The following POF1B variants were observed in gnomAD, a reference collection of about 807,000 sequenced individuals.
POF1B encodes the protein protein POF1B.
Under a neutral mutation model 55.3 loss-of-function variants are expected in POF1B, and 53 were observed. That is an observed-to-expected ratio of 0.96 (90% confidence interval 0.77 to 1.20). The LOEUF (loss-of-function observed/expected upper bound fraction) is 1.20, where lower values mean the gene tolerates loss of function less well. Among genes scored for constraint, POF1B ranks in the 50% most tolerant of loss-of-function variants. The pLI, the probability that POF1B is intolerant of heterozygous loss-of-function variation, is 0.00. For missense variants in POF1B, 478 were observed against 420.5 expected, an observed-to-expected ratio of 1.14 and a Z score of -1.20; for synonymous variants, 188 against 148.3, an observed-to-expected ratio of 1.27 and a Z score of -1.95.
intron 16 of POF1B, among the ~76,000 whole-genome samples, chrX:85,281,875 C>CTTT (rs1931905444): frequency 9.1e-6 from 1 of 110,065 alleles, no homozygotes; most frequent in African/African-American, 3.3e-5. Flanking sequence ...AAAAGGGAAA[C>CTTT]TGTTTTGGAA....
intron 7 of POF1B, among the ~76,000 whole-genome samples, chrX:85,329,551 A>G (rs745998999): frequency 2.0e-4 from 22 of 110,568 alleles, no homozygotes; most frequent in Non-Finnish European, 4.0e-4. Flanking sequence ...CACCAAGGAC[A>G]TCAGGGTAAA....
chrX:85,329,010 C>A (rs1932934768), intron 7 of POF1B, among the ~76,000 whole-genome samples: 1 of 111,052 alleles, frequency 9.0e-6, no homozygotes, highest in Admixed American at 9.6e-5. Flanking sequence ...AAGTAGAGCA[C>A]CTAGGACAAA....
At chrX:85,373,940 A>G (rs866839970) in intron 2 of POF1B, among the ~76,000 whole-genome samples, 8 of 111,403 alleles carry the variant, frequency 7.2e-5, no homozygotes, top group Non-Finnish European at 1.1e-4. Context: ...ATTTACACTT[A>G]GCTAAAACAT....
At chrX:85,309,065 C>A (rs1251415518) in intron 9 of POF1B, among the ~76,000 whole-genome samples, 1 of 111,550 alleles carries the variant, frequency 9.0e-6, no homozygotes, top group East Asian at 2.8e-4. Context: ...CAGACAACTT[C>A]AGCTTCTGGG....
chrX:85,314,820 T>G (rs1953509565), intron 8 of POF1B, among the ~76,000 whole-genome samples: 1 of 112,208 alleles, frequency 8.9e-6, no homozygotes. Flanking sequence ...TTAAATTCCT[T>G]TACACACTTT....
chrX:85,351,483 T>C (rs947479921), intron 4 of POF1B, 32 bp from the exon 5 acceptor site: 3 of 1,087,131 alleles, frequency 2.8e-6, no homozygotes, highest in Non-Finnish European at 2.5e-6. Flanking sequence ...TGTTTTGTTT[T>C]GAAAGTTGTC....
intron 2 of POF1B, among the ~76,000 whole-genome samples, chrX:85,368,894 A>G (rs1440684393): frequency 1.8e-5 from 2 of 111,744 alleles, no homozygotes; most frequent in African/African-American, 3.2e-5. Context: ...ATCTTCCTAC[A>G]AAGGTATAAA....
At chrX:85,284,975 C>T (rs1184215263) in intron 15 of POF1B, among the ~76,000 whole-genome samples, 3 of 111,631 alleles carry the variant, frequency 2.7e-5, no homozygotes, top group African/African-American at 3.3e-5. Flanking sequence ...AATCAAACAT[C>T]CCCATCAAAA....
chrX:85,285,393 A>G (rs1932025420), intron 15 of POF1B, among the ~76,000 whole-genome samples: 1 of 111,201 alleles, frequency 9.0e-6, no homozygotes, highest in African/African-American at 3.3e-5. Flanking sequence ...AAAGACTTGG[A>G]ACCAACCCAA....
At position 85,330,981 on chromosome X, in the gene POF1B, G is replaced by A. The variant is rs746826405; in HGVS notation, c.822C>T (p.Cys274=). ...LSRKNTDLYH[C]LLEHLQRIGG... ...CAATTCTCTGCAAATGTTCTAATAA[G>A]CAGTGATATAGATCCGTATTCTTAC... The change falls in exon 7 of 17, where the codon TGC becomes TGT. Residue 274 remains cysteine (C), a synonymous_variant. Coordinates refer to ENST00000262753, the MANE Select transcript of POF1B (RefSeq NM_024921.4). The A allele has an allele frequency of 1.1e-5, 13 of 1,196,229 alleles. No homozygotes were observed. The highest frequency in any genetic ancestry group is 1.5e-5 in the Non-Finnish European group (13 of 888,410).
At chrX:85,327,765 A>C (rs1000602718) in intron 7 of POF1B, among the ~76,000 whole-genome samples, 1 of 112,533 alleles carries the variant, frequency 8.9e-6, no homozygotes, top group Non-Finnish European at 1.9e-5. Context: ...TGCATTTAAA[A>C]GATACTAATC....
Position 85,365,491 on chromosome X carries a change from G to T in POF1B, c.357+2201C>A, listed in dbSNP as rs142338213. 9.4e-3 allele frequency among the ~76,000 whole-genome samples: 1,048 copies of T among 111,865 alleles called. 16 individuals carry two copies. The highest frequency in any genetic ancestry group is 0.032 in the African/African-American group (998 of 30,755). ...GCAGGGTCTAAATAGCTGACTTCTT[G>T]TCTTTGGTTTCACAGGGGGCTATGT... On this transcript the variant is annotated intron_variant, in intron 3 of 16. Coordinates refer to ENST00000262753, the MANE Select transcript of POF1B (RefSeq NM_024921.4).
intron 3 of POF1B, among the ~76,000 whole-genome samples, chrX:85,360,116 G>T (rs1289904318): frequency 1.8e-5 from 2 of 109,026 alleles, no homozygotes; most frequent in Non-Finnish European, 3.8e-5. Flanking sequence ...TTTTTTTGGG[G>T]GGTTCATGTA....
intron 7 of POF1B, among the ~76,000 whole-genome samples, chrX:85,325,504 G>A (rs1008557909): frequency 8.9e-6 from 1 of 111,839 alleles, no homozygotes; most frequent in Admixed American, 9.5e-5. Context: ...TTCTTATAGC[G>A]TGTTTTTCAG....
At position 85,321,969 on chromosome X, in the gene POF1B, C is replaced by G. The variant is rs1334279406; in HGVS notation, c.855-6235G>C. ...GGATACAAACAAATGGAAGAACATT[C>G]CATGTTCATGGGTAGGAAGAATCAA... On this transcript the variant is annotated intron_variant, in intron 7 of 16. Coordinates refer to ENST00000262753, the MANE Select transcript of POF1B (RefSeq NM_024921.4). Among the ~76,000 whole-genome samples, 8 of 110,720 alleles carry G rather than the reference C, an allele frequency of 7.2e-5. No individual in the cohort carries two copies. The East Asian group carries it at 2.0e-3, about 28-fold the overall frequency.
At chrX:85,331,185 A>G in intron 6 of POF1B, 106 bp from the exon 7 acceptor site, 1 of 815,145 alleles carries the variant, frequency 1.2e-6, no homozygotes, top group African/African-American at 2.1e-5. Flanking sequence ...GTCATCACAT[A>G]AATCAAGCCA....
chrX:85,356,324 G>T lies in POF1B; in HGVS notation c.438+3226C>A, dbSNP rs780217503. Among the ~76,000 whole-genome samples, 96 of 107,742 alleles carry T rather than the reference G, an allele frequency of 8.9e-4. 1 individual carries two copies. Among genetic ancestry groups the T allele is most frequent in the African/African-American group, 3.2e-3 (94 of 29,487 alleles). 93.6% of individuals were successfully genotyped at this position (107,742 alleles called of 115,157 possible). A position where few individuals can be genotyped will look rare whatever the true frequency, so the allele number is the denominator to read the frequency against. ...GGGCCTGTTGTGGGGTGGAGGGAGG[G>T]GGGGATAGCATTAGGAGATATACCT... On this transcript the variant is annotated intron_variant, in intron 4 of 16. Coordinates refer to ENST00000262753, the MANE Select transcript of POF1B (RefSeq NM_024921.4).
chrX:85,315,883 A>T, intron 7 of POF1B, 149 bp from the exon 8 acceptor site: 1 of 448,381 alleles, frequency 2.2e-6, no homozygotes, highest in Non-Finnish European at 3.4e-6. Flanking sequence ...TGTTAAAACT[A>T]AAATGGCACT....
intron 6 of POF1B, among the ~76,000 whole-genome samples, chrX:85,342,292 A>C (rs2147932467): frequency 8.9e-6 from 1 of 112,000 alleles, no homozygotes. Context: ...TTTGAAAAAT[A>C]TTTTTAATGC....
Sources: gnomAD v4.1 joint callset for allele counts (sites outside exome capture counted in the v4.1 genomes callset) on GRCh38, gnomAD v4.1.1 for gene constraint, MANE v1.5 for transcripts, NCBI Gene and HGNC (gene_info 2026-07-23, HGNC 2026-07-21) for gene names.